KPNA1: variants seen among roughly 807,000 people sequenced by gnomAD.
KPNA1 encodes the protein importin subunit alpha-5.
Under a neutral mutation model 70.5 loss-of-function variants are expected in KPNA1, and 10 were observed. The ratio of observed to expected loss-of-function variants is 0.14; its 90% confidence interval spans 0.09 to 0.24. The LOEUF is 0.24. KPNA1 is among the 10% of genes least tolerant of loss of function. KPNA1 has a pLI of 1.00. For synonymous variants in KPNA1, 192 were observed against 221.9 expected, an observed-to-expected ratio of 0.87 and a Z score of 1.20; for missense variants, 397 against 637.9, an observed-to-expected ratio of 0.62 and a Z score of 4.07.
chr3:122,451,881 CAAAATGATT>C, intron 7 of KPNA1, 86 bp downstream of exon 7: 1 of 846,808 alleles, frequency 1.2e-6, no homozygotes, highest in Non-Finnish European at 1.9e-6. Flanking sequence ...CTAGAAAATC[CAAAATGATT>C]TCCAAACATG....
intron 12 of KPNA1, among the ~76,000 whole-genome samples, chr3:122,427,939 T>C (rs1252401866): frequency 6.6e-6 from 1 of 152,182 alleles, no homozygotes. Flanking sequence ...CTCCATTCTT[T>C]TCTCTTCACA....
chr3:122,504,027 G>C (rs556644082), intron 1 of KPNA1, among the ~76,000 whole-genome samples: 1 of 152,316 alleles, frequency 6.6e-6, no homozygotes, highest in South Asian at 2.1e-4. Context: ...AGTAGTTAAT[G>C]CATGCTATTA....
chr3:122,442,162 G>T, intron 9 of KPNA1, 46 bp from the exon 10 acceptor site: 1 of 1,432,868 alleles, frequency 7.0e-7, no homozygotes, highest in Non-Finnish European at 9.7e-7. Context: ...TCTATCCTTA[G>T]TTTCATTTCC....
At chr3:122,458,058 CTA>C (rs2076283606) in intron 5 of KPNA1, among the ~76,000 whole-genome samples, 1 of 152,160 alleles carries the variant, frequency 6.6e-6, no homozygotes, top group South Asian at 2.1e-4. Flanking sequence ...AAAGGGGAAA[CTA>C]AGCCAATGTA....
rs1304719624 is a variant in KPNA1 at position 122,422,878 on chromosome 3, C to T, written c.*4107G>A. 6.6e-6 allele frequency: 1 copy of T among 152,208 alleles called. No individual in the cohort carries two copies. The highest frequency in any genetic ancestry group is 1.9e-4 in the East Asian group (1 of 5,198). 9.4% of individuals were successfully genotyped at this position (152,208 alleles called of 1,614,324 possible). On this transcript the variant is annotated 3_prime_UTR_variant, in exon 14 of 14. Transcript: ENST00000344337. ...AAAACACTCTGGGACTTCGTTTACC[C>T]TTAGTTGAAAACAGAACGGAACACT...
In KPNA1 at chr3:122,496,471, CCTT is replaced by C; in HGVS notation, c.92_94del (p.Glu31del). Reference sequence around the variant, plus strand: ...TCTTTTCTGCTTTCGTAACTGCAGTCCTTCTTCCTCCCTCCTCCTGCGCATCTC... The same window carrying C: ...TCTTTTCTGCTTTCGTAACTGCAGTCCTTCCTCCCTCCTCCTGCGCATCTC... On this transcript the variant is annotated inframe_deletion, in exon 2 of 14. Coordinates refer to ENST00000344337, the MANE Select transcript of KPNA1 (RefSeq NM_002264.4). The C allele has an allele frequency of 6.2e-7, 1 of 1,613,920 alleles. No individual in the cohort carries two copies. The highest frequency in any genetic ancestry group is 8.5e-7 in the Non-Finnish European group (1 of 1,179,836).
intron 2 of KPNA1, among the ~76,000 whole-genome samples, chr3:122,488,122 C>T (rs1391917833): frequency 2.6e-5 from 4 of 152,092 alleles, no homozygotes; most frequent in African/African-American, 9.7e-5. Flanking sequence ...GAAATGATCC[C>T]CGTAACTCCT....
Position 122,423,279 on chromosome 3 carries a change from C to G in KPNA1, c.*3706G>C, listed in dbSNP as rs2075781277. 1 of 152,156 alleles carries G rather than the reference C, an allele frequency of 6.6e-6. No homozygotes were observed. The highest frequency in any genetic ancestry group is 2.4e-5 in the African/African-American group (1 of 41,436). 9.4% of individuals were successfully genotyped at this position (152,156 alleles called of 1,614,324 possible). ...TATACTTAATCTGTTCAGCTCACAA[C>G]AGAGAGAAATGGTCATATTGAGATG... On this transcript the variant is annotated 3_prime_UTR_variant, in exon 14 of 14. Coordinates refer to ENST00000344337, the MANE Select transcript of KPNA1 (RefSeq NM_002264.4).
chr3:122,428,105 CTG>C (rs904948263), intron 12 of KPNA1, among the ~76,000 whole-genome samples: 1 of 152,158 alleles, frequency 6.6e-6, no homozygotes, highest in Non-Finnish European at 1.5e-5. Flanking sequence ...CAGCACAAGC[CTG>C]ATAAGCCAAA....
chr3:122,423,558 G>A lies in KPNA1; in HGVS notation c.*3427C>T, dbSNP rs1315511209. 11 of 152,582 alleles carry A rather than the reference G, an allele frequency of 7.2e-5. No individual in the cohort carries two copies. The East Asian group carries it at 7.7e-4, about 11-fold the overall frequency. The allele number at this position is 152,582 out of a possible 1,614,324, so 9.5% of individuals were successfully genotyped here. On this transcript the variant is annotated 3_prime_UTR_variant, in exon 14 of 14. Coordinates refer to ENST00000344337, the MANE Select transcript of KPNA1 (RefSeq NM_002264.4). ...ATATAAAAATTTTCACAAAACTAGCGAGAAAGAAAAACCCCTTGACTCCAG... is the reference window on the plus strand; with the variant it reads ...ATATAAAAATTTTCACAAAACTAGCAAGAAAGAAAAACCCCTTGACTCCAG...
chr3:122,472,614 A>C (rs763787152), intron 2 of KPNA1, among the ~76,000 whole-genome samples: 21 of 152,236 alleles, frequency 1.4e-4, no homozygotes, highest in Non-Finnish European at 2.6e-4. Context: ...ACAGGAAATC[A>C]ACTGAGAAAA....
intron 2 of KPNA1, among the ~76,000 whole-genome samples, chr3:122,468,862 T>A (rs1251704235): frequency 6.6e-6 from 1 of 152,194 alleles, no homozygotes; most frequent in African/African-American, 2.4e-5. Context: ...GGAAATAATC[T>A]CTGAGCTTAA....
intron 5 of KPNA1, among the ~76,000 whole-genome samples, chr3:122,458,324 G>A (rs1270103735): frequency 1.3e-5 from 2 of 152,170 alleles, no homozygotes; most frequent in East Asian, 3.9e-4. Context: ...ATGTCACTGA[G>A]CTTGAGAATG....
rs1380154452 is a variant in KPNA1 at position 122,514,916 on chromosome 3, CA to C, written c.-166del. On this transcript the variant is annotated 5_prime_UTR_variant, in exon 1 of 14. Coordinates refer to ENST00000344337, the MANE Select transcript of KPNA1 (RefSeq NM_002264.4). ...CCGCCTCGCACCGAGCAGCGAGACT[CA>C]GCTCAGCCGGCGTTCGCAGTGCGCC... 2.0e-5 allele frequency: 3 copies of C among 152,302 alleles called. No individual in the cohort carries two copies. The highest frequency in any genetic ancestry group is 7.2e-5 in the African/African-American group (3 of 41,476). 9.4% of individuals were successfully genotyped at this position (152,302 alleles called of 1,614,324 possible). A position where few individuals can be genotyped will look rare whatever the true frequency, so the allele number is the denominator to read the frequency against.
At chr3:122,484,105 T>C (rs959021599) in intron 2 of KPNA1, among the ~76,000 whole-genome samples, 4 of 152,154 alleles carry the variant, frequency 2.6e-5, no homozygotes, top group Admixed American at 6.5e-5. Context: ...CTGCAAAAGA[T>C]TGAAAATTTG....
At chr3:122,454,026 T>G (rs768033768) in intron 5 of KPNA1, 25 bp from the exon 6 acceptor site, 1 of 1,489,620 alleles carries the variant, frequency 6.7e-7, no homozygotes, top group African/African-American at 1.4e-5. Flanking sequence ...ATAATTTTCA[T>G]TATCTTTTTA....
At chr3:122,457,438 G>A (rs1052971413) in intron 5 of KPNA1, among the ~76,000 whole-genome samples, 6 of 152,036 alleles carry the variant, frequency 3.9e-5, no homozygotes, top group African/African-American at 1.4e-4. Context: ...AGTAACAAAT[G>A]GTGGCCAAAT....
chr3:122,475,881 A>G (rs1257246065), intron 2 of KPNA1, among the ~76,000 whole-genome samples: 1 of 152,228 alleles, frequency 6.6e-6, no homozygotes, highest in Non-Finnish European at 1.5e-5. Flanking sequence ...GAAGTGGATC[A>G]TCATAAGGGC....
At position 122,460,616 on chromosome 3, in the gene KPNA1, G is replaced by A. The variant is rs113587428; in HGVS notation, c.432+608C>T. 6.3e-3 allele frequency: 2,834 copies of A among 449,334 alleles called. 85 individuals are homozygous for A. Among genetic ancestry groups the A allele is most frequent in the African/African-American group, 0.058 (2,682 of 46,298 alleles). The allele number at this position is 449,334 out of a possible 1,614,324, so 27.8% of individuals were successfully genotyped here. On this transcript the variant is annotated intron_variant, in intron 5 of 13. Transcript: ENST00000344337. ...CTTGCCACTGCACTCCAGCATGGGC[G>A]ACAGAGCAAGACTCTGTCTCAAGAA...
Sources: gnomAD v4.1 joint callset for allele counts (sites outside exome capture counted in the v4.1 genomes callset) on GRCh38, gnomAD v4.1.1 for gene constraint, MANE v1.5 for transcripts, NCBI Gene and HGNC (gene_info 2026-07-23, HGNC 2026-07-21) for gene names.